Variants in NYAP2 observed in about 807,000 individuals in gnomAD.
NYAP2 encodes the protein neuronal tyrosine-phosphorylated phosphoinositide-3-kinase adaptor 2.
Under a neutral mutation model 50.4 loss-of-function variants are expected in NYAP2, and 23 were observed. The ratio of observed to expected loss-of-function variants is 0.46; its 90% CI spans 0.33 to 0.65. NYAP2 has a LOEUF of 0.65. Among genes scored for constraint, NYAP2 ranks in the 30% least tolerant of loss-of-function variants. NYAP2 has a pLI of 0.02. For missense variants in NYAP2, 885 were observed against 861.0 expected, an observed-to-expected ratio of 1.03 and a Z score of -0.35; for synonymous variants, 394 against 365.2, an observed-to-expected ratio of 1.08 and a Z score of -0.90.
chr2:225,411,609 TA>T (rs143073481), intron 3 of NYAP2, among the ~76,000 whole-genome samples: 229 of 146,552 alleles, frequency 1.6e-3, no homozygotes, highest in Middle Eastern at 0.014. Flanking sequence ...ATAGAGATGA[TA>T]AAAAAAAAAC....
the NYAP2 span, among the ~76,000 whole-genome samples, chr2:225,666,203 T>G: frequency 1.2e-4 from 18 of 152,284 alleles, no homozygotes; most frequent in South Asian, 1.9e-3. Flanking sequence ...ATATGTCCCA[T>G]GTCACCTATG....
intron 3 of NYAP2, among the ~76,000 whole-genome samples, chr2:225,486,059 C>T (rs1055997282): frequency 6.6e-6 from 1 of 152,272 alleles, no homozygotes; most frequent in African/African-American, 2.4e-5. Context: ...AGAACTAGCA[C>T]CCTGCGGAAT....
chr2:225,703,059 T>A, the NYAP2 span: 1 of 151,768 alleles, frequency 6.6e-6, no homozygotes, highest in East Asian at 1.9e-4. Context: ...AAGTGCACTG[T>A]GATTATAAAA....
chr2:225,630,993 A>G (rs1431070), intron 6 of NYAP2, among the ~76,000 whole-genome samples: 145,186 of 152,282 alleles, frequency 0.95, 69,315 homozygotes, highest in Middle Eastern at 0.99. Context: ...TAGTGGATTC[A>G]AAACTGAGAC....
At chr2:225,477,088 C>CT (rs1690126181) in intron 3 of NYAP2, among the ~76,000 whole-genome samples, 1 of 152,116 alleles carries the variant, frequency 6.6e-6, no homozygotes, top group Non-Finnish European at 1.5e-5. Flanking sequence ...ATATCCAGCA[C>CT]TTGTGAGGTA....
At chr2:225,630,330 G>T (rs1018344345) in intron 6 of NYAP2, among the ~76,000 whole-genome samples, 22 of 152,048 alleles carry the variant, frequency 1.4e-4, no homozygotes, top group African/African-American at 5.1e-4. Flanking sequence ...CAGGTGTTTT[G>T]CAGCTGTTCA....
intron 3 of NYAP2, among the ~76,000 whole-genome samples, chr2:225,457,865 C>G (rs1375499091): frequency 2.6e-5 from 4 of 152,102 alleles, no homozygotes; most frequent in African/African-American, 4.8e-5. Flanking sequence ...TGTCTTAATA[C>G]CCAGATGAGT....
At chr2:225,517,464 G>A (rs1186856712) in intron 4 of NYAP2, among the ~76,000 whole-genome samples, 2 of 152,160 alleles carry the variant, frequency 1.3e-5, no homozygotes, top group African/African-American at 4.8e-5. Context: ...ATGCTGTCTA[G>A]TTTAGGCAAA....
intron 3 of NYAP2, among the ~76,000 whole-genome samples, chr2:225,512,554 T>C (rs1409668662): frequency 6.7e-6 from 1 of 149,596 alleles, no homozygotes; most frequent in Non-Finnish European, 1.5e-5. Flanking sequence ...CCCTCCTTCC[T>C]TCCTTCTTCC....
At chr2:225,511,963 A>G (rs1214669098) in intron 3 of NYAP2, among the ~76,000 whole-genome samples, 1 of 152,226 alleles carries the variant, frequency 6.6e-6, no homozygotes, top group African/African-American at 2.4e-5. Flanking sequence ...ATTCAAACAT[A>G]TCTAAGAAAA....
the NYAP2 span, among the ~76,000 whole-genome samples, chr2:225,681,417 C>G: frequency 4.4e-3 from 676 of 152,238 alleles, 9 homozygotes; most frequent in African/African-American, 0.015. Context: ...AGCAATGGGC[C>G]AAAAGCAGAT....
Position 225,598,471 on chromosome 2 carries a change from A to T in NYAP2, c.1618+15436A>T, listed in dbSNP as rs375061336. Among the ~76,000 whole-genome samples, 45 of 152,312 alleles carry T rather than the reference A, an allele frequency of 3.0e-4. No individual in the cohort carries two copies. The East Asian group carries it at 3.5e-3, about 12-fold the overall frequency. On this transcript the variant is annotated intron_variant, in intron 5 of 6. Transcript: ENST00000636099. ...GGATGGAAGACTGTTAAAAAATATG[A>T]TTTGTGAAGTGTTGTTTCTAAGTAC...
chr2:225,624,106 T>C (rs116430744), intron 5 of NYAP2, among the ~76,000 whole-genome samples: 2,420 of 152,324 alleles, frequency 0.016, 25 homozygotes, highest in Middle Eastern at 0.041. Context: ...AAGAAAAGTA[T>C]ATTCTATATG....
chr2:225,676,065 A>G, the NYAP2 span, among the ~76,000 whole-genome samples: 1 of 152,236 alleles, frequency 6.6e-6, no homozygotes, highest in East Asian at 1.9e-4. Flanking sequence ...CCTTTATCAG[A>G]GGCACAGTTT....
At chr2:225,525,565 A>G (rs1289653088) in intron 4 of NYAP2, among the ~76,000 whole-genome samples, 2 of 152,186 alleles carry the variant, frequency 1.3e-5, no homozygotes, top group Non-Finnish European at 2.9e-5. Flanking sequence ...TGGGAGCCAA[A>G]CAATGGGTAC....
chr2:225,433,244 C>A, intron 3 of NYAP2, among the ~76,000 whole-genome samples: 1 of 151,848 alleles, frequency 6.6e-6, no homozygotes, highest in East Asian at 1.9e-4. Context: ...CCAGCTTACT[C>A]AGGAGGCTAA....
At chr2:225,412,801 C>A (rs1574601616) in intron 3 of NYAP2, among the ~76,000 whole-genome samples, 1 of 152,028 alleles carries the variant, frequency 6.6e-6, no homozygotes, top group Admixed American at 6.6e-5. Context: ...GAAAGTAAAC[C>A]AAGATGGAAG....
At chr2:225,452,638 A>G (rs1689671537) in intron 3 of NYAP2, among the ~76,000 whole-genome samples, 1 of 152,140 alleles carries the variant, frequency 6.6e-6, no homozygotes, top group Non-Finnish European at 1.5e-5. Flanking sequence ...ACTGAATTTG[A>G]TTCATTCTAA....
At chr2:225,423,560 T>G (rs1218863718) in intron 3 of NYAP2, among the ~76,000 whole-genome samples, 1 of 152,162 alleles carries the variant, frequency 6.6e-6, no homozygotes, top group Non-Finnish European at 1.5e-5. Context: ...TGAAATGGCC[T>G]CAGTGAACAT....
Sources: allele counts gnomAD v4.1 joint callset (sites outside exome capture counted in the v4.1 genomes callset), GRCh38; gene constraint gnomAD v4.1.1; transcripts MANE v1.5; gene names NCBI Gene and HGNC (gene_info 2026-07-23, HGNC 2026-07-21).